C2orf74: variants seen among roughly 807,000 people sequenced by gnomAD.
C2orf74 encodes the protein DPM1 ER membrane anchor 1, also known as uncharacterized protein C2orf74.
In C2orf74, 14 loss-of-function variants were observed where a neutral mutation model predicts 17.9. That is an observed-to-expected ratio of 0.78 (90% CI 0.52 to 1.22). The LOEUF is 1.22. Among genes scored for constraint, C2orf74 ranks in the 50% most tolerant of loss-of-function variants. The pLI, the probability that C2orf74 is intolerant of heterozygous loss-of-function variation, is 0.00. For synonymous variants in C2orf74, 79 were observed against 72.6 expected, an observed-to-expected ratio of 1.09 and a Z score of -0.44; for missense variants, 217 against 218.4, an observed-to-expected ratio of 0.99 and a Z score of 0.04.
chr2:61,162,671 A>C (rs1685597947), intron 2 of C2orf74, 62 bp downstream of exon 2: 2 of 1,126,582 alleles, frequency 1.8e-6, no homozygotes, highest in Non-Finnish European at 2.6e-6. Flanking sequence ...TGTGTATAGA[A>C]ATAATGTAAA....
At position 61,164,532 on chromosome 2, in the gene C2orf74, C is replaced by CA; in HGVS notation, c.*11dup. Reference sequence around the variant, plus strand: ...GAACATAAAGAGAGGAAATGAAGCTCAAAAAAGGGTAAGAGTGAAAGAAAA... The same window carrying CA: ...GAACATAAAGAGAGGAAATGAAGCTCAAAAAAAGGGTAAGAGTGAAAGAAAA... On this transcript the variant is annotated 3_prime_UTR_variant, in exon 5 of 5. Transcript: ENST00000432605. 1 of 1,494,478 alleles carries CA rather than the reference C, an allele frequency of 6.7e-7. No individual in the cohort carries two copies. The allele number at this position is 1,494,478 out of a possible 1,614,324, so 92.6% of individuals were successfully genotyped here. A position where few individuals can be genotyped will look rare whatever the true frequency, so the allele number is the denominator to read the frequency against.
upstream of C2orf74, among the ~76,000 whole-genome samples, chr2:61,159,042 G>T (rs887694041): frequency 6.6e-6 from 1 of 152,158 alleles, no homozygotes; most frequent in South Asian, 2.1e-4. Context: ...CTGTCGCCAG[G>T]CTGGAGTGCA....
chr2:61,157,065 T>C (rs954289728), intron 1 of C2orf74, among the ~76,000 whole-genome samples: 5 of 152,206 alleles, frequency 3.3e-5, no homozygotes, highest in Non-Finnish European at 7.3e-5. Flanking sequence ...AGATGAAGTC[T>C]CACTCTGTCG....
At position 61,163,208 on chromosome 2, in the gene C2orf74, T is replaced by A; in HGVS notation, c.366T>A (p.Asn122Lys). 7.7e-6 allele frequency: 12 copies of A among 1,552,022 alleles called. No individual in the cohort carries two copies. The highest frequency in any genetic ancestry group is 1.0e-5 in the Non-Finnish European group (12 of 1,147,040). The change falls in exon 4 of 5, where the codon AAT (asparagine) becomes AAA (lysine). Residue 122 changes from asparagine (N) to lysine (K), a missense_variant. Transcript: ENST00000432605. ...NQINEKQEPE[N>K]AGETGQEEDD... ...TAAATGAGAAGCAAGAGCCTGAGAA[T>A]GCTGGAGAAACTGGTCAAGAAGAGG... is the stretch of plus-strand genomic sequence containing the variant.
chr2:61,160,217 A>T (rs556281898), upstream of C2orf74, among the ~76,000 whole-genome samples: 1 of 148,558 alleles, frequency 6.7e-6, no homozygotes, highest in Admixed American at 6.7e-5. Flanking sequence ...GGAGAGTGCT[A>T]TGGTGCAATT....
chr2:61,147,971 G>A (rs887979830), intron 1 of C2orf74, among the ~76,000 whole-genome samples: 4 of 151,506 alleles, frequency 2.6e-5, no homozygotes, highest in African/African-American at 9.7e-5. Context: ...GTTTTGCCAT[G>A]TTGCCCAGGC....
chr2:61,162,191 TCC>T lies in C2orf74; in HGVS notation c.-228_-227del. On this transcript the variant is annotated 5_prime_UTR_variant, in exon 1 of 5. Transcript: ENST00000432605. ...TGGGCTCAGCTCCAGCTGTTCCGAT[TCC>T]TCTCTCCTCTGGGTCCTGATAGTTT... 1 of 309,688 alleles carries T rather than the reference TCC, an allele frequency of 3.2e-6. No homozygotes were observed. The allele number at this position is 309,688 out of a possible 1,614,324, so 19.2% of individuals were successfully genotyped here.
At chr2:61,163,607 A>T (rs555971364) in intron 4 of C2orf74, among the ~76,000 whole-genome samples, 76 of 151,426 alleles carry the variant, frequency 5.0e-4, no homozygotes, top group East Asian at 1.4e-3. Flanking sequence ...TCTCAAAAAA[A>T]AATAATAATA....
intron 1 of C2orf74, among the ~76,000 whole-genome samples, chr2:61,156,555 AT>A (rs1559183410): frequency 6.6e-6 from 1 of 152,076 alleles, no homozygotes; most frequent in Non-Finnish European, 1.5e-5. Context: ...ATGTCCATCA[AT>A]GCTATTAATA....
intron 4 of C2orf74, among the ~76,000 whole-genome samples, chr2:61,163,574 C>T (rs1418731473): frequency 6.6e-6 from 1 of 151,496 alleles, no homozygotes; most frequent in Admixed American, 6.6e-5. Context: ...TGCACTCCAG[C>T]CTGGTGACAG....
At chr2:61,153,441 T>G (rs1685298841) in intron 1 of C2orf74, among the ~76,000 whole-genome samples, 3 of 151,108 alleles carry the variant, frequency 2.0e-5, no homozygotes, top group African/African-American at 7.3e-5. Context: ...CCACTACGCC[T>G]AGCTAATTTT....
At chr2:61,149,574 C>CTTT (rs70959895) in intron 1 of C2orf74, among the ~76,000 whole-genome samples, 206 of 79,758 alleles carry the variant, frequency 2.6e-3, no homozygotes, top group Non-Finnish European at 3.0e-3. Context: ...GGGCGCCTTT[C>CTTT]TTTTTTTTTT....
intron 1 of C2orf74, among the ~76,000 whole-genome samples, chr2:61,156,174 A>G (rs371130684): frequency 7.9e-5 from 12 of 152,314 alleles, no homozygotes; most frequent in Admixed American, 3.9e-4. Flanking sequence ...ACTCTAGTCC[A>G]GGCAACAGAG....
At chr2:61,147,226 T>G (rs1218321500) in intron 1 of C2orf74, among the ~76,000 whole-genome samples, 1 of 151,544 alleles carries the variant, frequency 6.6e-6, no homozygotes, top group Non-Finnish European at 1.5e-5. Flanking sequence ...TCCTTTCCTT[T>G]TTTTTTTTTG....
At chr2:61,163,305 A>C in intron 4 of C2orf74, 73 bp downstream of exon 4, 1 of 1,452,636 alleles carries the variant, frequency 6.9e-7, no homozygotes, top group Non-Finnish European at 9.2e-7. Context: ...TTCCTCAGCT[A>C]GGTATAATAA....
At chr2:61,152,620 G>A (rs1420579717) in intron 1 of C2orf74, among the ~76,000 whole-genome samples, 1 of 151,806 alleles carries the variant, frequency 6.6e-6, no homozygotes, top group Non-Finnish European at 1.5e-5. Context: ...AGGCTGAGGC[G>A]GGCAGATTAC....
chr2:61,145,537 C>T (rs541419444), intron 1 of C2orf74, among the ~76,000 whole-genome samples: 1 of 152,256 alleles, frequency 6.6e-6, no homozygotes, highest in East Asian at 1.9e-4. Context: ...GATTCTCCCA[C>T]CTCAGCCTCC....
chr2:61,164,485 T>C lies in C2orf74; in HGVS notation c.522T>C (p.Pro174=). The C allele has an allele frequency of 1.2e-5, 18 of 1,550,064 alleles. No individual in the cohort carries two copies. The highest frequency in any genetic ancestry group is 1.5e-5 in the Non-Finnish European group (17 of 1,146,408). The change falls in exon 5 of 5, where the codon CCT becomes CCC. Residue 174 remains proline (P), a synonymous_variant. Transcript: ENST00000432605. ...VIVVDLGNEY[P]TPRSYTREHK... ...TTGTGGATCTTGGGAATGAATACCC[T>C]ACACCTCGAAGCTATACTCGAGAAC...
At chr2:61,145,977 C>T (rs1159527707) in intron 1 of C2orf74, among the ~76,000 whole-genome samples, 1 of 152,184 alleles carries the variant, frequency 6.6e-6, no homozygotes. Context: ...TGCAGCAATC[C>T]TTAGTGGTTA....
Sources: gnomAD v4.1 joint callset for allele counts (sites outside exome capture counted in the v4.1 genomes callset) on GRCh38, gnomAD v4.1.1 for gene constraint, MANE v1.5 for transcripts, NCBI Gene and HGNC (gene_info 2026-07-23, HGNC 2026-07-21) for gene names.